The following CACNA1A variants were observed in gnomAD, a reference collection of about 807,000 sequenced individuals.
The protein encoded by CACNA1A is voltage-dependent P/Q-type calcium channel subunit alpha-1A.
A neutral mutation model predicts 262.4 loss-of-function variants in CACNA1A; 57 were observed. That is an observed-to-expected ratio of 0.22 (90% CI 0.18 to 0.27). CACNA1A has a LOEUF of 0.27. CACNA1A is among the 10% of genes least tolerant of loss of function. The pLI, the probability that CACNA1A is intolerant of heterozygous loss-of-function variation, is 1.00. For synonymous variants in CACNA1A, 1,431 were observed against 1,419.3 expected, an observed-to-expected ratio of 1.01 and a Z score of -0.18; for missense variants, 2,526 against 3,562.8, an observed-to-expected ratio of 0.71 and a Z score of 7.41.
chr19:13,424,648 T>C (rs2060371020), intron 3 of CACNA1A, among the ~76,000 whole-genome samples: 1 of 151,966 alleles, frequency 6.6e-6, no homozygotes, highest in Non-Finnish European at 1.5e-5. Flanking sequence ...TATTTTATTT[T>C]ACTTTTGCAG....
At chr19:13,279,535 G>T (rs1370532816) in intron 22 of CACNA1A, among the ~76,000 whole-genome samples, 2 of 152,188 alleles carry the variant, frequency 1.3e-5, no homozygotes, top group South Asian at 2.1e-4. Flanking sequence ...ACCCAGGCTG[G>T]AGTGCAGTGG....
Position 13,241,425 on chromosome 19 carries a change from G to T in CACNA1A, c.4950+3757C>A, listed in dbSNP as rs1568453748. The T allele has an allele frequency of 2.4e-6, 2 of 823,532 alleles. No individual in the cohort carries two copies. Among genetic ancestry groups the T allele is most frequent in the Admixed American group, 4.0e-5 (2 of 50,044 alleles). The allele number at this position is 823,532 out of a possible 1,614,324, so 51.0% of individuals were successfully genotyped here. On this transcript the variant is annotated intron_variant, in intron 31 of 46. Coordinates refer to ENST00000360228, the MANE Select transcript of CACNA1A (RefSeq NM_001127222.2). This position sits in a 1 kb window ranked among gnomAD's most constrained non-coding sequence, Gnocchi z 4.0. The stretch of plus-strand genomic sequence containing the variant: ...TTGAGGAGAGCGTCAGGCATCCCAC[G>T]TTGGAGAGGCAGGGTGTGGCATGCA...
intron 37 of CACNA1A, chr19:13,226,916 G>C (rs941050210): frequency 6.6e-6 from 1 of 152,470 alleles, no homozygotes; most frequent in South Asian, 2.1e-4. Flanking sequence ...GGAAGGTCTC[G>C]AATCCCCAAG....
chr19:13,339,097 C>T (rs1302600238), intron 6 of CACNA1A, among the ~76,000 whole-genome samples: 1 of 152,104 alleles, frequency 6.6e-6, no homozygotes, highest in African/African-American at 2.4e-5. Flanking sequence ...AACTCCTCAC[C>T]TCCTGATCTG....
intron 3 of CACNA1A, among the ~76,000 whole-genome samples, chr19:13,413,535 G>T (rs1364878088): frequency 7.3e-6 from 1 of 137,392 alleles, no homozygotes; most frequent in Non-Finnish European, 1.5e-5. Context: ...TAGTGCCACT[G>T]CACTCTGGCC....
In CACNA1A at chr19:13,334,989, G is replaced by GC. The variant is rs1359975448; in HGVS notation, c.1083-497dup. On this transcript the variant is annotated intron_variant, in intron 7 of 46. Coordinates refer to ENST00000360228, the MANE Select transcript of CACNA1A (RefSeq NM_001127222.2). Reference sequence around the variant, plus strand: ...TTCTAGGTTACAGTGAGCTATGATCGCCCCCTACACTCCAGTCTGGGTAAT... The same window carrying GC: ...TTCTAGGTTACAGTGAGCTATGATCGCCCCCCTACACTCCAGTCTGGGTAAT... Among the ~76,000 whole-genome samples the GC allele has an allele frequency of 5.3e-5, 8 of 150,304 alleles. No homozygotes were observed. The South Asian group carries it at 8.4e-4, about 16-fold the overall frequency.
At position 13,206,769 on chromosome 19, in the gene CACNA1A, G is replaced by A. The variant is rs141221917; in HGVS notation, c.*544C>T. The A allele has an allele frequency of 7.4e-3, 1,134 of 154,008 alleles. 11 individuals are homozygous for A. Among genetic ancestry groups the A allele is most frequent in the Admixed American group, 0.02 (301 of 15,228 alleles). The allele number at this position is 154,008 out of a possible 1,614,324, so 9.5% of individuals were successfully genotyped here. A position where few individuals can be genotyped will look rare whatever the true frequency, so the allele number is the denominator to read the frequency against. ...CTCTTGTGTGTGTCTGAGAACGTGT[G>A]TGGGTGTGAGTGTGTCTGGTGGTGG... On this transcript the variant is annotated 3_prime_UTR_variant, in exon 47 of 47. Coordinates refer to ENST00000360228, the MANE Select transcript of CACNA1A (RefSeq NM_001127222.2).
At chr19:13,465,147 T>C (rs2061210949) in intron 1 of CACNA1A, among the ~76,000 whole-genome samples, 1 of 151,580 alleles carries the variant, frequency 6.6e-6, no homozygotes, top group Non-Finnish European at 1.5e-5. Flanking sequence ...GCCAGGCTAG[T>C]CTTGAACTCC....
At chr19:13,217,063 G>A (rs1485192482) in intron 38 of CACNA1A, among the ~76,000 whole-genome samples, 1 of 152,204 alleles carries the variant, frequency 6.6e-6, no homozygotes, top group Non-Finnish European at 1.5e-5. Flanking sequence ...AACCTGGGAG[G>A]TGGAGGCTGC....
intron 3 of CACNA1A, chr19:13,451,454 G>A (rs1209104781): frequency 6.6e-6 from 1 of 152,268 alleles, no homozygotes; most frequent in Non-Finnish European, 1.5e-5. Flanking sequence ...AGTGGGAAGA[G>A]GAGGAACCAG....
intron 1 of CACNA1A, among the ~76,000 whole-genome samples, chr19:13,479,157 A>G (rs1978940594): frequency 6.6e-6 from 1 of 152,214 alleles, no homozygotes; most frequent in Non-Finnish European, 1.5e-5. Flanking sequence ...CTGGGTAACA[A>G]GAGCAAAACC....
intron 22 of CACNA1A, among the ~76,000 whole-genome samples, chr19:13,279,477 C>T (rs146622372): frequency 7.2e-5 from 11 of 151,998 alleles, no homozygotes; most frequent in Middle Eastern, 3.4e-3. Flanking sequence ...AGGGCCACTG[C>T]GTTCATTTAT....
chr19:13,416,627 G>A (rs1419504838), intron 3 of CACNA1A, among the ~76,000 whole-genome samples: 4 of 151,924 alleles, frequency 2.6e-5, no homozygotes, highest in Non-Finnish European at 4.4e-5. Context: ...AAGCCTGGCC[G>A]ACATGGTAAA....
At chr19:13,446,425 G>A (rs2060813935) in intron 3 of CACNA1A, among the ~76,000 whole-genome samples, 2 of 148,896 alleles carry the variant, frequency 1.3e-5, no homozygotes, top group South Asian at 2.1e-4. Flanking sequence ...GTGTGTGTGC[G>A]CGCGTGTTTT....
At chr19:13,252,209 C>A (rs117279785) in intron 30 of CACNA1A, among the ~76,000 whole-genome samples, 1 of 151,458 alleles carries the variant, frequency 6.6e-6, no homozygotes, top group South Asian at 2.1e-4. Context: ...ACTACAGGCA[C>A]GAGTTACCAT....
chr19:13,328,722 T>C (rs1391044678), intron 10 of CACNA1A, among the ~76,000 whole-genome samples: 2 of 152,152 alleles, frequency 1.3e-5, no homozygotes, highest in Non-Finnish European at 1.5e-5. Flanking sequence ...AATAGAGCTA[T>C]GGCTAAACAA....
intron 3 of CACNA1A, among the ~76,000 whole-genome samples, chr19:13,440,160 T>G (rs760627025): frequency 3.9e-5 from 6 of 152,134 alleles, no homozygotes; most frequent in Non-Finnish European, 5.9e-5. Flanking sequence ...GGTCTCACTA[T>G]GTTGCCCAGT....
intron 1 of CACNA1A, among the ~76,000 whole-genome samples, chr19:13,502,528 C>T (rs572460187): frequency 5.9e-5 from 9 of 152,066 alleles, no homozygotes; most frequent in South Asian, 2.1e-4. Context: ...CTGAGCTCTT[C>T]GGCAATCATC....
chr19:13,322,432 A>G (rs2058274560), intron 10 of CACNA1A, among the ~76,000 whole-genome samples: 1 of 152,018 alleles, frequency 6.6e-6, no homozygotes, highest in African/African-American at 2.4e-5. Context: ...GGCCTCTAGA[A>G]CTGTGAGAGA....
Sources: allele counts gnomAD v4.1 joint callset (sites outside exome capture counted in the v4.1 genomes callset), GRCh38; gene constraint gnomAD v4.1.1; non-coding constraint Gnocchi (gnomAD v3.1); transcripts MANE v1.5; gene names NCBI Gene and HGNC (gene_info 2026-07-23, HGNC 2026-07-21).